The following MYH10 variants were observed in gnomAD, a reference collection of about 807,000 sequenced individuals.
MYH10 encodes the protein myosin-10.
A neutral mutation model predicts 257.8 loss-of-function variants in MYH10; 55 were observed. The ratio of observed to expected loss-of-function variants is 0.21; its 90% confidence interval spans 0.17 to 0.27. The LOEUF (loss-of-function observed/expected upper bound fraction) is 0.27, where lower values mean the gene tolerates loss of function less well. Ranked by LOEUF, MYH10 falls within the 10% of genes least tolerant of loss-of-function variation. The pLI, the probability that MYH10 is intolerant of heterozygous loss-of-function variation, is 1.00. For synonymous variants in MYH10, 854 were observed against 921.7 expected, an observed-to-expected ratio of 0.93 and a Z score of 1.33; for missense variants, 1,631 against 2,500.6, an observed-to-expected ratio of 0.65 and a Z score of 7.42.
intron 37 of MYH10, among the ~76,000 whole-genome samples, chr17:8,483,367 GCTCTCAGGTTCT>G (rs1239103513): frequency 3.3e-5 from 5 of 152,170 alleles, no homozygotes; most frequent in African/African-American, 1.2e-4. Flanking sequence ...CTTGAAGCTG[GCTCTCAGGTTCT>G]CTCTCAGGGT....
chr17:8,499,186 G>T, intron 30 of MYH10, 84 bp downstream of exon 30: 1 of 1,375,926 alleles, frequency 7.3e-7, no homozygotes, highest in Non-Finnish European at 1.0e-6. Context: ...TTGGCCATGG[G>T]TCTCTTATTG....
chr17:8,477,355 G>A lies in MYH10; in HGVS notation c.5707-307C>T, dbSNP rs1912853660. On this transcript the variant is annotated intron_variant, in intron 41 of 42. Coordinates refer to ENST00000360416, the MANE Select transcript of MYH10 (RefSeq NM_001256012.3). The surrounding 1 kb of genome is among the most constrained non-coding windows in gnomAD (Gnocchi z 4.2). The stretch of plus-strand genomic sequence containing the variant: ...ACTGTCTTCACACACGTGACCTAGG[G>A]GACTGAAAGGGAATTGCTATTCTTG... Among the ~76,000 whole-genome samples the A allele has an allele frequency of 6.6e-6, 1 of 152,090 alleles. No individual in the cohort carries two copies. The highest frequency in any genetic ancestry group is 2.4e-5 in the African/African-American group (1 of 41,400).
At chr17:8,616,561 C>G (rs1166950856) in intron 2 of MYH10, among the ~76,000 whole-genome samples, 1 of 151,132 alleles carries the variant, frequency 6.6e-6, no homozygotes, top group Non-Finnish European at 1.5e-5. Context: ...AAATAAAATA[C>G]CCAAAAATAA....
Position 8,495,217 on chromosome 17 carries a change from G to A in MYH10, c.3976C>T (p.Leu1326Phe). The change falls in exon 31 of 43, where the codon CTT becomes TTT. Residue 1326 changes from leucine to phenylalanine, a missense_variant. Physicochemically the swap from Leu to Phe is conservative, Grantham distance 22. Around this residue, in one of 11 missense-constraint regions of MYH10, gnomAD observed 463 missense variants for 621.8 expected, o/e 0.74. Coordinates refer to ENST00000360416, the MANE Select transcript of MYH10 (RefSeq NM_001256012.3). ...CCCTTCTTCTCTGCTTCTTCCAGAA[G>A]GGTGGAGACATTATCTAGCTCATTC... ...LQNELDNVSTLLEEAEKKGIK... is the reference protein window; with the variant it reads ...LQNELDNVSTFLEEAEKKGIK... 1 of 1,612,382 alleles carries A rather than the reference G, an allele frequency of 6.2e-7. No individual in the cohort carries two copies.
At chr17:8,596,383 G>A (rs1449592434) in intron 3 of MYH10, among the ~76,000 whole-genome samples, 1 of 152,006 alleles carries the variant, frequency 6.6e-6, no homozygotes, top group Non-Finnish European at 1.5e-5. Flanking sequence ...CTCGACTCCT[G>A]ACCTCAGGTG....
intron 7 of MYH10, among the ~76,000 whole-genome samples, chr17:8,562,182 G>A (rs918200036): frequency 6.6e-6 from 1 of 152,160 alleles, no homozygotes; most frequent in South Asian, 2.1e-4. Flanking sequence ...AATTTCAGAA[G>A]CAAAAATGAA....
intron 1 of MYH10, among the ~76,000 whole-genome samples, chr17:8,628,797 C>G (rs2085779219): frequency 6.6e-6 from 1 of 152,224 alleles, no homozygotes; most frequent in Non-Finnish European, 1.5e-5. Flanking sequence ...ACCGCTGAAG[C>G]ATATAGTCTT....
chr17:8,487,780 G>C (rs953157382), intron 35 of MYH10, among the ~76,000 whole-genome samples, 186 bp from the exon 36 acceptor site: 3 of 152,126 alleles, frequency 2.0e-5, no homozygotes, highest in Non-Finnish European at 4.4e-5. Flanking sequence ...TTGTTCAAAG[G>C]GGTCTTTAAA....
intron 2 of MYH10, among the ~76,000 whole-genome samples, chr17:8,610,970 A>G (rs2085016314): frequency 6.6e-6 from 1 of 152,238 alleles, no homozygotes; most frequent in African/African-American, 2.4e-5. Context: ...AAGTAACTGA[A>G]TATTTGATGA....
At chr17:8,579,006 C>A (rs755827595) in intron 4 of MYH10, among the ~76,000 whole-genome samples, 8 of 152,236 alleles carry the variant, frequency 5.3e-5, no homozygotes, top group Non-Finnish European at 1.0e-4. Context: ...ACTATTTGGG[C>A]CGGCCACAGG....
chr17:8,519,055 A>G, intron 19 of MYH10, 105 bp from the exon 20 acceptor site: 1 of 771,462 alleles, frequency 1.3e-6, no homozygotes, highest in South Asian at 1.8e-5. Flanking sequence ...TGGGTAATAC[A>G]TGTTAAAGAT....
In MYH10 at chr17:8,506,288, C is replaced by T. The variant is rs1300202594; in HGVS notation, c.3386+30G>A. On this transcript the variant is annotated intron_variant, in intron 27 of 42. Transcript: ENST00000360416. This position sits in a 1 kb window ranked among gnomAD's most constrained non-coding sequence, Gnocchi z 5.0. ...CTGCTGAAACTCAGCCCCATGGGCT[C>T]CCGTGCAGCGCAGCTGCTGGGCTGC... The T allele has an allele frequency of 5.8e-6, 9 of 1,545,980 alleles. No individual in the cohort carries two copies. Among genetic ancestry groups the T allele is most frequent in the Non-Finnish European group, 7.8e-6 (9 of 1,155,412 alleles).
At chr17:8,493,925 T>C (rs774970123) in intron 31 of MYH10, 40 bp from the exon 32 acceptor site, 1 of 1,574,050 alleles carries the variant, frequency 6.4e-7, no homozygotes, top group South Asian at 1.2e-5. Flanking sequence ...CCATTACATT[T>C]ATCACCAAAA....
chr17:8,521,460 A>C, intron 17 of MYH10, 175 bp from the exon 18 acceptor site: 1 of 633,954 alleles, frequency 1.6e-6, no homozygotes, highest in Non-Finnish European at 2.7e-6. Context: ...ACTAACAGCC[A>C]CACACTTATA....
At chr17:8,529,105 C>T (rs2081943495) in intron 17 of MYH10, among the ~76,000 whole-genome samples, 1 of 152,204 alleles carries the variant, frequency 6.6e-6, no homozygotes, top group Non-Finnish European at 1.5e-5. Context: ...CAGCAAAATG[C>T]CTGGTGTATA....
intron 14 of MYH10, among the ~76,000 whole-genome samples, chr17:8,538,543 A>G (rs1353718272): frequency 6.6e-6 from 1 of 152,198 alleles, no homozygotes; most frequent in Admixed American, 6.5e-5. Flanking sequence ...ATTTCTATGA[A>G]TAAGTAGAAT....
intron 3 of MYH10, among the ~76,000 whole-genome samples, chr17:8,600,061 T>A (rs1302802271): frequency 1.3e-5 from 2 of 152,082 alleles, no homozygotes; most frequent in Non-Finnish European, 2.9e-5. Flanking sequence ...AAGAGTTGAG[T>A]GTAGAATCAG....
chr17:8,626,578 A>T (rs1011394509), intron 1 of MYH10, among the ~76,000 whole-genome samples: 5 of 140,190 alleles, frequency 3.6e-5, no homozygotes, highest in Middle Eastern at 3.3e-3. Flanking sequence ...AAATAATAAT[A>T]AATAATAATA....
rs189588121 is a variant in MYH10, at chr17:8,559,453, T to C, written c.757-5435A>G. Among the ~76,000 whole-genome samples, 14 of 152,272 alleles carry C rather than the reference T, an allele frequency of 9.2e-5. No individual in the cohort carries two copies. In the East Asian group the frequency reaches 2.7e-3, roughly 29 times the overall value. On this transcript the variant is annotated intron_variant, in intron 7 of 42. Transcript: ENST00000360416. ...AAAGATGAAGCAATAGTTATTACTGTAGCATCCTTCTAGGCAATCCCATTA... is the reference window on the plus strand; with the variant it reads ...AAAGATGAAGCAATAGTTATTACTGCAGCATCCTTCTAGGCAATCCCATTA...
Sources: gnomAD v4.1 joint callset for allele counts (sites outside exome capture counted in the v4.1 genomes callset) on GRCh38, gnomAD v4.1.1 for gene constraint, gnomAD v4.1.1 regional missense constraint, Gnocchi (gnomAD v3.1) non-coding constraint, MANE v1.5 for transcripts, NCBI Gene and HGNC (gene_info 2026-07-23, HGNC 2026-07-21) for gene names.